FLG2: variants seen among roughly 807,000 people sequenced by gnomAD.
The protein encoded by FLG2 is filaggrin-2.
A neutral mutation model predicts 3.9 loss-of-function variants in FLG2; 7 were observed. The observed-to-expected ratio is 1.79, with a 90% CI of 1.02 to 3.36. The LOEUF (loss-of-function observed/expected upper bound fraction) is 3.36. Among genes scored for constraint, FLG2 ranks in the 30% most tolerant of loss-of-function variants. The pLI is 0.00. For missense variants in FLG2, 2,700 were observed against 2,809.4 expected (o/e 0.96, Z 0.88); for synonymous variants, 1,031 against 1,056.1 (o/e 0.98, Z 0.46).
At position 152,358,885 on chromosome 1, in the gene FLG2, C is replaced by G; in HGVS notation, c.-1G>C. On this transcript the variant is annotated 5_prime_UTR_variant, in exon 2 of 3. Transcript: ENST00000388718. Reference sequence around the variant, plus strand: ...CAACACTTCTCAAGAGGTCGGTCATCTTTTTGCAAGTTTAAGTGAACCTGG... The same window carrying G: ...CAACACTTCTCAAGAGGTCGGTCATGTTTTTGCAAGTTTAAGTGAACCTGG... The G allele has an allele frequency of 6.2e-7, 1 of 1,610,778 alleles. No homozygotes were observed. Among genetic ancestry groups the G allele is most frequent in the Non-Finnish European group, 8.5e-7 (1 of 1,178,910 alleles).
Position 152,354,813 on chromosome 1 carries a change from C to A in FLG2, c.2973G>T (p.Glu991Asp), listed in dbSNP as rs767983733. The A allele has an allele frequency of 1.2e-5, 20 of 1,613,272 alleles. No individual in the cohort carries two copies. Among genetic ancestry groups the A allele is most frequent in the Non-Finnish European group, 1.7e-5 (20 of 1,179,914 alleles). The change falls in exon 3 of 3, where the codon GAG (glutamate) becomes GAT (aspartate). Residue 991 changes from glutamate to aspartate, a missense_variant. Coordinates refer to ENST00000388718, the MANE Select transcript of FLG2 (RefSeq NM_001014342.3). ...SGKSSGFGQH[E>D]SRSSQSNYGQ... is the part of the protein sequence containing the mutation. ...CATAATTAGACTGACTTGATCTAGA[C>A]TCATGCTGTCCAAAGCCAGAGGATT...
Position 152,354,575 on chromosome 1 carries a change from A to T in FLG2, c.3211T>A (p.Ser1071Thr). The T allele has an allele frequency of 6.2e-7, 1 of 1,613,460 alleles. No individual in the cohort carries two copies. The highest frequency in any genetic ancestry group is 8.5e-7 in the Non-Finnish European group (1 of 1,179,898). Residue 1071 changes from serine to threonine, a missense_variant, in exon 3 of 3, where the codon TCA (serine) becomes ACA (threonine). Coordinates refer to ENST00000388718, the MANE Select transcript of FLG2 (RefSeq NM_001014342.3). The stretch of plus-strand genomic sequence containing the variant: ...TGTTGGCCATAGCTAGACTGACGTG[A>T]TCTAGACTCATATTGTCCAAAACCA... ...SSGFGQYESR[S>T]RQSSYGQHGS...
At position 152,353,437 on chromosome 1, in the gene FLG2, G is replaced by T; in HGVS notation, c.4349C>A (p.Ala1450Asp). The change falls in exon 3 of 3, where the codon GCC (alanine) becomes GAC (aspartate). Residue 1450 changes from alanine (A) to aspartate (D), a missense_variant. Transcript: ENST00000388718. ...TCCTGACTCTCCATGTTGAGATCCG[G>T]CTTGGCCATGAGTTTGTTCTTGTGA... ...PQSQEQTHGQ[A>D]GSQHGESGST... The T allele has an allele frequency of 6.2e-7, 1 of 1,612,498 alleles. No individual in the cohort carries two copies. Among genetic ancestry groups the T allele is most frequent in the Non-Finnish European group, 8.5e-7 (1 of 1,179,586 alleles).
rs148908983 is a variant in FLG2 at position 152,353,483 on chromosome 1, C to T, written c.4303G>A (p.Gly1435Arg). 6.4e-3 allele frequency: 10,308 copies of T among 1,613,728 alleles called. 43 individuals are homozygous for T. The highest frequency in any genetic ancestry group is 8.1e-3 in the Non-Finnish European group (9,579 of 1,179,930). ...TGTGATTGTGGTCTGTGTGAGCCCCCTGAGTGCACTTCACTGTCACTGGAC... is the reference window on the plus strand; with the variant it reads ...TGTGATTGTGGTCTGTGTGAGCCCCTTGAGTGCACTTCACTGTCACTGGAC... ...SESSDSEVHS[G>R]GSHRPQSQEQ... Residue 1435 changes from glycine (G) to arginine (R), a missense_variant, in exon 3 of 3, where the codon GGG (glycine) becomes AGG (arginine). Transcript: ENST00000388718.
In FLG2 at chr1:152,355,735, T is replaced by A; in HGVS notation, c.2051A>T (p.His684Leu). Residue 684 changes from histidine (H) to leucine (L), a missense_variant, in exon 3 of 3, where the codon CAT becomes CTT. His to Leu is a moderately conservative substitution (Grantham distance 99). Coordinates refer to ENST00000388718, the MANE Select transcript of FLG2 (RefSeq NM_001014342.3). Reference sequence around the variant, plus strand: ...GCTAGAATGACCTGATCTAGACTCATGTTGTCCAAAACCAGAGGATTGTCC... The same window carrying A: ...GCTAGAATGACCTGATCTAGACTCAAGTTGTCCAAAACCAGAGGATTGTCC... ...GSGQSSGFGQ[H>L]ESRSGHSSYG... 6.2e-7 allele frequency: 1 copy of A among 1,613,940 alleles called. No homozygotes were observed. The highest frequency in any genetic ancestry group is 8.5e-7 in the Non-Finnish European group (1 of 1,180,000).
chr1:152,356,468 AG>A lies in FLG2; in HGVS notation c.1317del (p.Ser440LeufsTer285). 1 of 1,614,278 alleles carries A rather than the reference AG, an allele frequency of 6.2e-7. No individual in the cohort carries two copies. The highest frequency in any genetic ancestry group is 8.5e-7 in the Non-Finnish European group (1 of 1,180,050). On this transcript the variant is annotated frameshift_variant, in exon 3 of 3. Transcript: ENST00000388718. LOFTEE classifies it low-confidence loss of function (END_TRUNC). Reference sequence around the variant, plus strand: ...CCACATACATGTTGTTCGAACCCAGAGGACTGACTCAAGCCTGTTCCATGTT... The same window carrying A: ...CCACATACATGTTGTTCGAACCCAGAGACTGACTCAAGCCTGTTCCATGTT... ...FEQHGTGLSQSSGFEQHVCGS... is the reference protein window; with the variant it reads ...FEQHGTGLSQXSGFEQHVCGS...
rs867983947 is a variant in FLG2, at chr1:152,356,254, A to C, written c.1532T>G (p.Val511Gly). 3 of 1,598,886 alleles carry C rather than the reference A, an allele frequency of 1.9e-6. No homozygotes were observed. Among genetic ancestry groups the C allele is most frequent in the African/African-American group, 1.4e-5 (1 of 69,992 alleles). ...TCCAAAACCAGAGGATTGTCCTGAG[A>C]CAGACCCATGCTGTCCAAAGCCAGA... is the stretch of plus-strand genomic sequence containing the variant. ...QSSGFGQHGS[V>G]SGQSSGFGQH... The change falls in exon 3 of 3, where the codon GTC becomes GGC. Residue 511 changes from valine (V) to glycine (G), a missense_variant. Transcript: ENST00000388718.
Position 152,351,891 on chromosome 1 carries a change from T to G in FLG2, c.5895A>C (p.Ser1965=). Residue 1965 remains serine, a synonymous_variant, in exon 3 of 3, where the codon TCA becomes TCC. Coordinates refer to ENST00000388718, the MANE Select transcript of FLG2 (RefSeq NM_001014342.3). ...GTCCTGAATGTGTGTGTGAGACCCCTGAGGGCCCTTCACTGTCACTGTACT... is the reference window on the plus strand; with the variant it reads ...GTCCTGAATGTGTGTGTGAGACCCCGGAGGGCCCTTCACTGTCACTGTACT... ...HSEYSDSEGP[S]GVSHTHSGHT... 1 of 1,613,786 alleles carries G rather than the reference T, an allele frequency of 6.2e-7. No individual in the cohort carries two copies. Among genetic ancestry groups the G allele is most frequent in the Non-Finnish European group, 8.5e-7 (1 of 1,179,918 alleles).
At chr1:152,359,333 C>G (rs79233468) in intron 1 of FLG2, among the ~76,000 whole-genome samples, 1 of 152,292 alleles carries the variant, frequency 6.6e-6, no homozygotes, top group African/African-American at 2.4e-5. Flanking sequence ...AGACCTTCCA[C>G]CATGCACATC....
rs1350287901 is a variant in FLG2 at position 152,358,738 on chromosome 1, G to A, written c.138+9C>T. 3 of 1,611,252 alleles carry A rather than the reference G, an allele frequency of 1.9e-6. No individual in the cohort carries two copies. Among genetic ancestry groups the A allele is most frequent in the Non-Finnish European group, 2.5e-6 (3 of 1,179,026 alleles). On this transcript the variant is annotated intron_variant, in intron 2 of 2. Transcript: ENST00000388718. The stretch of plus-strand genomic sequence containing the variant: ...CCAGCAGCCTTCAGTTCTGGCACAT[G>A]GCTCTCACCTTCAGAACTGGATGAA...
chr1:152,353,150 G>C lies in FLG2; in HGVS notation c.4636C>G (p.Gln1546Glu). 2 of 1,613,932 alleles carry C rather than the reference G, an allele frequency of 1.2e-6. No homozygotes were observed. Among genetic ancestry groups the C allele is most frequent in the Non-Finnish European group, 1.7e-6 (2 of 1,180,000 alleles). The stretch of plus-strand genomic sequence containing the variant: ...GAATGTCTAGTGGTATCTCCTGTCT[G>C]TCCATGAGTAATTCTGTGTCTGTCA... ...IHDRHRITHG[Q>E]TGDTTRHSYS... The change falls in exon 3 of 3, where the codon CAG becomes GAG. Residue 1546 changes from glutamine to glutamate, a missense_variant. Physicochemically the swap from Gln to Glu is conservative, Grantham distance 29. Transcript: ENST00000388718.
In FLG2 at chr1:152,357,406, G is replaced by T. The variant is rs373458772; in HGVS notation, c.380C>A (p.Ser127Ter). 2.4e-5 allele frequency: 38 copies of T among 1,613,930 alleles called. No individual in the cohort carries two copies. The highest frequency in any genetic ancestry group is 3.1e-5 in the Non-Finnish European group (37 of 1,180,024). ...ACTCCAACTTGAATGTCTGTAACCT[G>T]ATTTATGTCCTGGTGTATCCTCTTC... ...EDEEDTPGHK[S>*]GYRHSSWSEG... Residue 127 changes from serine to a stop codon, truncating the protein, a stop_gained, in exon 3 of 3, where the codon TCA (serine) becomes TAA (stop). Transcript: ENST00000388718. LOFTEE classifies it low-confidence loss of function (END_TRUNC).
Position 152,350,482 on chromosome 1 carries a change from G to A in FLG2, c.*128C>T, listed in dbSNP as rs371488924. 4.2e-6 allele frequency: 5 copies of A among 1,203,504 alleles called. No individual in the cohort carries two copies. The African/African-American group carries it at 6.1e-5, about 15-fold the overall frequency. 74.6% of individuals were successfully genotyped at this position (1,203,504 alleles called of 1,614,324 possible). A position where few individuals can be genotyped will look rare whatever the true frequency, so the allele number is the denominator to read the frequency against. ...AGATTCCTGACTTCTTATAATAATA[G>A]GTCGAGACTGATACTGAGAATCAAC... On this transcript the variant is annotated 3_prime_UTR_variant, in exon 3 of 3. Transcript: ENST00000388718.
rs755725956 is a variant in FLG2, at chr1:152,358,897, T to G, written c.-13A>C. 1 of 1,610,668 alleles carries G rather than the reference T, an allele frequency of 6.2e-7. No homozygotes were observed. The highest frequency in any genetic ancestry group is 8.5e-7 in the Non-Finnish European group (1 of 1,178,866). On this transcript the variant is annotated 5_prime_UTR_variant, in exon 2 of 3. Coordinates refer to ENST00000388718, the MANE Select transcript of FLG2 (RefSeq NM_001014342.3). ...AGAGGTCGGTCATCTTTTTGCAAGT[T>G]TAAGTGAACCTGGACACAGAAAAAC...
Position 152,357,367 on chromosome 1 carries a change from T to C in FLG2, c.419A>G (p.His140Arg), listed in dbSNP as rs1181954164. The C allele has an allele frequency of 1.2e-6, 2 of 1,614,192 alleles. No homozygotes were observed. The highest frequency in any genetic ancestry group is 1.7e-6 in the Non-Finnish European group (2 of 1,180,040). ...RHSSWSEGEEHGYSSGHSRGT... is the reference protein window; with the variant it reads ...RHSSWSEGEERGYSSGHSRGT... ...CCTTGAGTGCCCAGAACTATATCCA[T>C]GCTCCTCTCCCTCACTCCAACTTGA... The change falls in exon 3 of 3, where the codon CAT (histidine) becomes CGT (arginine). Residue 140 changes from histidine to arginine, a missense_variant. By Grantham distance (29) the His-to-Arg change is conservative. Transcript: ENST00000388718.
rs773594753 is a variant in FLG2, at chr1:152,356,381, G to A, written c.1405C>T (p.His469Tyr). ...TSSQSLGYDQ[H>Y]GSSSGKTSGF... ...GATGTCTTACCTGAGCTAGACCCAT[G>A]CTGGTCATAGCCCAAGGATTGACTT... Residue 469 changes from histidine (H) to tyrosine (Y), a missense_variant, in exon 3 of 3, where the codon CAT (histidine) becomes TAT (tyrosine). By Grantham distance (83) the His-to-Tyr change is moderately conservative. Coordinates refer to ENST00000388718, the MANE Select transcript of FLG2 (RefSeq NM_001014342.3). 1.6e-5 allele frequency: 26 copies of A among 1,614,042 alleles called. No homozygotes were observed. The highest frequency in any genetic ancestry group is 4.0e-5 in the African/African-American group (3 of 74,914).
intron 1 of FLG2, among the ~76,000 whole-genome samples, chr1:152,359,262 C>T (rs1340429730): frequency 1.3e-5 from 2 of 152,116 alleles, no homozygotes; most frequent in African/African-American, 4.8e-5. Context: ...CAGAACCAGC[C>T]AGACACCATT....
At position 152,356,642 on chromosome 1, in the gene FLG2, G is replaced by A. The variant is rs1654246082; in HGVS notation, c.1144C>T (p.Gln382Ter). 1 of 1,614,062 alleles carries A rather than the reference G, an allele frequency of 6.2e-7. No individual in the cohort carries two copies. Among genetic ancestry groups the A allele is most frequent in the Non-Finnish European group, 8.5e-7 (1 of 1,180,028 alleles). ...TGSSQSSCCG[Q>*]YGSGGSQSCS... ...GACTGGCTACCTCCAGACCCATATT[G>A]TCCACAGCAAGAGGACTGACTTGAG... is the stretch of plus-strand genomic sequence containing the variant. The change falls in exon 3 of 3, where the codon CAA (glutamine) becomes TAA (stop). Residue 382 changes from glutamine (Q) to a stop codon, truncating the protein, a stop_gained. Transcript: ENST00000388718. LOFTEE classifies it low-confidence loss of function (END_TRUNC).
intron 1 of FLG2, 33 bp downstream of exon 1, chr1:152,359,923 T>G (rs1042137805): frequency 6.6e-6 from 1 of 152,204 alleles, no homozygotes; most frequent in Non-Finnish European, 1.5e-5. Flanking sequence ...ACACCAAATA[T>G]TCATAAATGT....
Sources: gnomAD v4.1 joint callset for allele counts (sites outside exome capture counted in the v4.1 genomes callset) on GRCh38, gnomAD v4.1.1 for gene constraint, MANE v1.5 for transcripts, NCBI Gene and HGNC (gene_info 2026-07-23, HGNC 2026-07-21) for gene names.